The following GUCY1A2 variants were observed in gnomAD, a reference collection of about 807,000 sequenced individuals.
The protein encoded by GUCY1A2 is guanylate cyclase soluble subunit alpha-2.
A neutral mutation model predicts 63.5 loss-of-function variants in GUCY1A2; 27 were observed. The observed-to-expected ratio is 0.43, with a 90% CI of 0.31 to 0.59. The LOEUF (loss-of-function observed/expected upper bound fraction) is 0.59, where lower values mean the gene tolerates loss of function less well. Among genes scored for constraint, GUCY1A2 ranks in the 20% least tolerant of loss-of-function variants. The pLI is 0.11. For synonymous variants in GUCY1A2, 364 were observed against 343.5 expected, an observed-to-expected ratio of 1.06 and a Z score of -0.66; for missense variants, 768 against 913.3, an observed-to-expected ratio of 0.84 and a Z score of 2.05.
At chr11:106,827,781 T>G in intron 4 of GUCY1A2, 2 of 1,546,444 alleles carry the variant, frequency 1.3e-6, no homozygotes, top group Non-Finnish European at 1.8e-6. Context: ...CAAGAGAATA[T>G]CTTCTGATGG....
chr11:106,696,504 AAT>A (rs1862722190), intron 7 of GUCY1A2, among the ~76,000 whole-genome samples: 1 of 152,208 alleles, frequency 6.6e-6, no homozygotes. Context: ...TTTAAAAATT[AAT>A]ATTAGTTGAT....
chr11:106,924,838 C>T (rs1428095436), intron 4 of GUCY1A2, among the ~76,000 whole-genome samples: 2 of 151,936 alleles, frequency 1.3e-5, no homozygotes, highest in African/African-American at 4.8e-5. Context: ...AACCCCATCT[C>T]TACAAAAAAT....
chr11:106,872,196 G>C (rs1859688823), intron 4 of GUCY1A2, among the ~76,000 whole-genome samples: 1 of 152,086 alleles, frequency 6.6e-6, no homozygotes, highest in African/African-American at 2.4e-5. Context: ...TTGTAACATA[G>C]GAATCATCTG....
At chr11:106,835,640 CCA>C (rs1228985887) in intron 4 of GUCY1A2, among the ~76,000 whole-genome samples, 1 of 150,416 alleles carries the variant, frequency 6.6e-6, no homozygotes, top group African/African-American at 2.4e-5. Context: ...AGTCATGAAT[CCA>C]CAGATAGCAC....
intron 4 of GUCY1A2, among the ~76,000 whole-genome samples, chr11:106,840,514 G>A (rs1215786007): frequency 3.3e-5 from 5 of 151,942 alleles, no homozygotes; most frequent in African/African-American, 4.8e-5. Flanking sequence ...TATTGATATA[G>A]AAGTATCAGT....
At chr11:106,740,802 T>C (rs1424426100) in intron 6 of GUCY1A2, among the ~76,000 whole-genome samples, 1 of 151,954 alleles carries the variant, frequency 6.6e-6, no homozygotes, top group East Asian at 1.9e-4. Context: ...GCCTCCTGAG[T>C]AGCTGGGATT....
At chr11:106,956,886 C>G (rs886961127) in intron 3 of GUCY1A2, among the ~76,000 whole-genome samples, 8 of 152,204 alleles carry the variant, frequency 5.3e-5, no homozygotes, top group African/African-American at 1.4e-4. Flanking sequence ...CAAGAGGAGA[C>G]AGCAAGTCTG....
At position 106,871,629 on chromosome 11, in the gene GUCY1A2, C is replaced by T. The variant is rs572357173; in HGVS notation, c.1207-61151G>A. On this transcript the variant is annotated intron_variant, in intron 4 of 7. Coordinates refer to ENST00000526355, the MANE Select transcript of GUCY1A2 (RefSeq NM_000855.3). ...TAAAATAATGACCTCACCTTAAGGT[C>T]ATTTGATTATAACTGCCAAAAGCTT... Among the ~76,000 whole-genome samples, 63 of 152,236 alleles carry T rather than the reference C, an allele frequency of 4.1e-4. No individual in the cohort carries two copies. The South Asian group carries it at 0.013, about 31-fold the overall frequency.
chr11:106,733,400 C>T (rs1276252488), intron 6 of GUCY1A2, among the ~76,000 whole-genome samples: 1 of 152,110 alleles, frequency 6.6e-6, no homozygotes, highest in African/African-American at 2.4e-5. Context: ...TGGTACCAGA[C>T]TGTAAGCAAT....
intron 6 of GUCY1A2, among the ~76,000 whole-genome samples, chr11:106,744,001 T>C (rs1863741631): frequency 6.6e-6 from 1 of 152,170 alleles, no homozygotes; most frequent in Non-Finnish European, 1.5e-5. Context: ...CAAGTTCTAA[T>C]TTAGAAACTA....
At chr11:106,710,511 T>C (rs547660474) in intron 6 of GUCY1A2, among the ~76,000 whole-genome samples, 14 of 149,872 alleles carry the variant, frequency 9.3e-5, no homozygotes, top group Admixed American at 5.4e-4. Context: ...GTTGAATAAA[T>C]TGGCTGAATT....
intron 7 of GUCY1A2, among the ~76,000 whole-genome samples, chr11:106,692,902 T>G (rs1862650257): frequency 6.6e-6 from 1 of 152,228 alleles, no homozygotes; most frequent in Non-Finnish European, 1.5e-5. Flanking sequence ...CTGAAATGAA[T>G]AGATCCAGTT....
chr11:106,870,353 T>C (rs916852948), intron 4 of GUCY1A2, among the ~76,000 whole-genome samples: 1 of 152,096 alleles, frequency 6.6e-6, no homozygotes, highest in African/African-American at 2.4e-5. Flanking sequence ...AAATTGAATT[T>C]GATTAGTTTT....
At chr11:107,012,624 T>G (rs997382788) in intron 1 of GUCY1A2, among the ~76,000 whole-genome samples, 1 of 152,172 alleles carries the variant, frequency 6.6e-6, no homozygotes, top group Non-Finnish European at 1.5e-5. Context: ...CTCCAAAACT[T>G]TGTGCTTTCA....
intron 6 of GUCY1A2, among the ~76,000 whole-genome samples, chr11:106,775,629 C>A (rs955439962): frequency 1.3e-5 from 2 of 152,016 alleles, no homozygotes; most frequent in Non-Finnish European, 2.9e-5. Context: ...TGTTCAGTGT[C>A]CCCAATCTGC....
intron 6 of GUCY1A2, among the ~76,000 whole-genome samples, chr11:106,746,867 G>A (rs1039918481): frequency 6.6e-6 from 1 of 152,158 alleles, no homozygotes; most frequent in Non-Finnish European, 1.5e-5. Context: ...AGAAAGCATC[G>A]TAGAAAAAGG....
chr11:106,796,969 C>G (rs1864774575), intron 5 of GUCY1A2, among the ~76,000 whole-genome samples: 1 of 151,968 alleles, frequency 6.6e-6, no homozygotes, highest in African/African-American at 2.4e-5. Context: ...AGGCTTTGTT[C>G]ATTTCTTTTT....
chr11:106,875,505 T>C (rs1859737175), intron 4 of GUCY1A2, among the ~76,000 whole-genome samples: 1 of 152,136 alleles, frequency 6.6e-6, no homozygotes, highest in South Asian at 2.1e-4. Context: ...TCACCAACAC[T>C]GAGACTCTTT....
chr11:106,732,112 C>G (rs978941746), intron 6 of GUCY1A2, among the ~76,000 whole-genome samples: 1 of 152,002 alleles, frequency 6.6e-6, no homozygotes, highest in African/African-American at 2.4e-5. Flanking sequence ...CAAACAGAAC[C>G]AAGCTGGAGG....
Sources: allele counts gnomAD v4.1 joint callset (sites outside exome capture counted in the v4.1 genomes callset), GRCh38; gene constraint gnomAD v4.1.1; transcripts MANE v1.5; gene names NCBI Gene and HGNC (gene_info 2026-07-23, HGNC 2026-07-21).